IARS2: variants seen among roughly 807,000 people sequenced by gnomAD.
The protein encoded by IARS2 is isoleucine--tRNA ligase, mitochondrial.
In IARS2, 56 loss-of-function variants were observed where a neutral mutation model predicts 126.3. That is an observed-to-expected ratio of 0.44 (90% CI 0.36 to 0.55). IARS2 has a LOEUF of 0.55. Ranked by LOEUF, IARS2 falls within the 20% of genes least tolerant of loss-of-function variation. IARS2 has a pLI of 0.00. For synonymous variants in IARS2, 407 were observed against 441.1 expected (o/e 0.92, Z 0.97); for missense variants, 1,127 against 1,245.9 (o/e 0.90, Z 1.44).
At chr1:220,117,446 C>T (rs1479973973) in intron 12 of IARS2, among the ~76,000 whole-genome samples, 3 of 151,764 alleles carry the variant, frequency 2.0e-5, no homozygotes, top group Non-Finnish European at 4.4e-5. Flanking sequence ...GTGATCCGCC[C>T]GCCTCAGCCT....
chr1:220,142,391 A>G (rs1333147549), intron 20 of IARS2, among the ~76,000 whole-genome samples: 2 of 152,174 alleles, frequency 1.3e-5, no homozygotes, highest in African/African-American at 4.8e-5. Flanking sequence ...AGTCCCAGCT[A>G]CTTGGGAGGC....
At chr1:220,114,269 T>C (rs1260785658) in intron 11 of IARS2, 45 bp from the exon 12 acceptor site, 6 of 1,542,584 alleles carry the variant, frequency 3.9e-6, no homozygotes, top group East Asian at 2.2e-5. Context: ...CTAGAATACT[T>C]GTTCTGCTTT....
chr1:220,117,709 A>G (rs1656956145), intron 12 of IARS2: 1 of 409,418 alleles, frequency 2.4e-6, no homozygotes, highest in South Asian at 1.9e-5. Flanking sequence ...GGTTAAATAA[A>G]TATGAGCTTT....
chr1:220,102,296 T>A lies in IARS2; in HGVS notation c.699+19T>A. On this transcript the variant is annotated intron_variant, in intron 4 of 22. Transcript: ENST00000366922. ...TGATAAGGTAAAGAAGTATTTTTTC[T>A]CTTTGAGTAGGTTTTAGTATGCGTT... 1 of 1,603,676 alleles carries A rather than the reference T, an allele frequency of 6.2e-7. No individual in the cohort carries two copies.
chr1:220,110,148 C>T (rs1656767600), intron 10 of IARS2, among the ~76,000 whole-genome samples: 1 of 150,348 alleles, frequency 6.7e-6, no homozygotes, highest in Admixed American at 6.6e-5. Flanking sequence ...TCCGCTTTAG[C>T]TTAGGTTCAA....
At chr1:220,142,868 A>G in intron 20 of IARS2, 76 bp from the exon 21 acceptor site, 1 of 919,710 alleles carries the variant, frequency 1.1e-6, no homozygotes, top group Non-Finnish European at 1.6e-6. Flanking sequence ...CATTAATGGT[A>G]ACTATTTAAT....
intron 11 of IARS2, among the ~76,000 whole-genome samples, 194 bp from the exon 12 acceptor site, chr1:220,114,120 G>A (rs1006441315): frequency 2.6e-5 from 4 of 151,982 alleles, no homozygotes; most frequent in Admixed American, 6.6e-5. Context: ...TAAGTTCTTC[G>A]CGGCTCCATT....
intron 13 of IARS2, among the ~76,000 whole-genome samples, chr1:220,125,634 T>C (rs1277360708): frequency 6.6e-6 from 1 of 152,034 alleles, no homozygotes; most frequent in Non-Finnish European, 1.5e-5. Flanking sequence ...CAAAACCCTG[T>C]CTCTACAAAA....
chr1:220,116,234 A>G (rs550407613), intron 12 of IARS2, among the ~76,000 whole-genome samples: 1 of 152,120 alleles, frequency 6.6e-6, no homozygotes, highest in Admixed American at 6.6e-5. Flanking sequence ...AACAGAACAC[A>G]TTGTCAAGCA....
chr1:220,136,945 T>C, intron 16 of IARS2, 34 bp downstream of exon 16: 1 of 1,383,532 alleles, frequency 7.2e-7, no homozygotes. Context: ...TTTATTTTCG[T>C]TTTAAGGATC....
chr1:220,121,329 A>G (rs1657047683), intron 12 of IARS2, among the ~76,000 whole-genome samples: 1 of 152,216 alleles, frequency 6.6e-6, no homozygotes, highest in African/African-American at 2.4e-5. Context: ...AAGTATGTAT[A>G]AAACACAAAA....
At chr1:220,112,196 G>T (rs958887470) in intron 11 of IARS2, among the ~76,000 whole-genome samples, 1 of 59,558 alleles carries the variant, frequency 1.7e-5, no homozygotes. Flanking sequence ...CTGCAGTGGC[G>T]CAATCTCGGC....
intron 12 of IARS2, among the ~76,000 whole-genome samples, chr1:220,122,037 G>A (rs184457022): frequency 6.6e-6 from 1 of 152,274 alleles, no homozygotes; most frequent in Non-Finnish European, 1.5e-5. Context: ...CTTCAAGTGA[G>A]CTATGATCAT....
chr1:220,116,120 G>A (rs1401321127), intron 12 of IARS2, among the ~76,000 whole-genome samples: 1 of 152,058 alleles, frequency 6.6e-6, no homozygotes, highest in Non-Finnish European at 1.5e-5. Context: ...AAGGCGAGAG[G>A]ATCGCTCAAG....
chr1:220,121,917 T>C (rs1657059016), intron 12 of IARS2, among the ~76,000 whole-genome samples: 1 of 151,972 alleles, frequency 6.6e-6, no homozygotes, highest in African/African-American at 2.4e-5. Context: ...CAAAGCGAGA[T>C]TCCCATCTCT....
chr1:220,129,260 A>G (rs1657213480), intron 14 of IARS2, among the ~76,000 whole-genome samples: 1 of 152,246 alleles, frequency 6.6e-6, no homozygotes, highest in African/African-American at 2.4e-5. Context: ...TGTACATATT[A>G]TTGAGTACGT....
At chr1:220,119,528 CACA>C (rs1373504909) in intron 12 of IARS2, among the ~76,000 whole-genome samples, 2 of 151,908 alleles carry the variant, frequency 1.3e-5, no homozygotes, top group African/African-American at 4.8e-5. Flanking sequence ...TATTAAATAT[CACA>C]AGGAAATAGT....
chr1:220,102,157 G>C lies in IARS2; in HGVS notation c.579G>C (p.Glu193Asp), dbSNP rs1656589781. 6.2e-7 allele frequency: 1 copy of C among 1,606,088 alleles called. No homozygotes were observed. The highest frequency in any genetic ancestry group is 8.5e-7 in the Non-Finnish European group (1 of 1,178,348). The change falls in exon 4 of 23, where the codon GAG becomes GAC. Residue 193 changes from glutamate to aspartate, a missense_variant. Coordinates refer to ENST00000366922, the MANE Select transcript of IARS2 (RefSeq NM_018060.4). ...KARSFAKAAIEKQKSAFIRWG... is the reference protein window; with the variant it reads ...KARSFAKAAIDKQKSAFIRWG... ...GATCATTTGCTAAAGCAGCCATTGAGAAACAGAAATCAGCATTTATTCGTT... is the reference window on the plus strand; with the variant it reads ...GATCATTTGCTAAAGCAGCCATTGACAAACAGAAATCAGCATTTATTCGTT...
intron 21 of IARS2, 146 bp downstream of exon 21, chr1:220,143,280 A>G: frequency 2.2e-6 from 1 of 451,558 alleles, no homozygotes; most frequent in Non-Finnish European, 3.8e-6. Flanking sequence ...GTTCCTTTTC[A>G]CATACTTTTT....
Sources: allele counts gnomAD v4.1 joint callset (sites outside exome capture counted in the v4.1 genomes callset), GRCh38; gene constraint gnomAD v4.1.1; transcripts MANE v1.5; gene names NCBI Gene and HGNC (gene_info 2026-07-23, HGNC 2026-07-21).